Variants in NEK5 observed in about 807,000 individuals in gnomAD.
NEK5 encodes NIMA related kinase 5, also known as serine/threonine-protein kinase Nek5.
Under a neutral mutation model 109.2 loss-of-function variants are expected in NEK5, and 88 were observed. The observed-to-expected ratio is 0.81, with a 90% CI of 0.68 to 0.96. The LOEUF (loss-of-function observed/expected upper bound fraction) is 0.96, where lower values mean the gene tolerates loss of function less well. Ranked by LOEUF, NEK5 falls within the 40% of genes least tolerant of loss-of-function variation. NEK5 has a pLI of 0.00. For missense variants in NEK5, 834 were observed against 920.7 expected (o/e 0.91, Z 1.22); for synonymous variants, 283 against 299.9 (o/e 0.94, Z 0.58).
chr13:52,053,529 T>C (rs1162051584), intron 22 of NEK5, among the ~76,000 whole-genome samples: 3 of 152,128 alleles, frequency 2.0e-5, no homozygotes, highest in African/African-American at 4.8e-5. Flanking sequence ...AAGCACTCCC[T>C]TGCATTGCTG....
chr13:52,123,419 A>T (rs905448999), intron 3 of NEK5, among the ~76,000 whole-genome samples: 2 of 152,210 alleles, frequency 1.3e-5, no homozygotes, highest in Non-Finnish European at 2.9e-5. Context: ...GATGCTATGA[A>T]ATGCAGTAAT....
intron 20 of NEK5, among the ~76,000 whole-genome samples, chr13:52,070,405 A>G (rs1257215726): frequency 6.6e-6 from 1 of 152,206 alleles, no homozygotes; most frequent in South Asian, 2.1e-4. Context: ...GTCCCACCCA[A>G]ATCTCATCTT....
intron 13 of NEK5, among the ~76,000 whole-genome samples, chr13:52,089,934 C>T (rs1404704403): frequency 1.3e-5 from 2 of 151,630 alleles, no homozygotes; most frequent in Admixed American, 6.6e-5. Context: ...TGCACTCCAG[C>T]CTGAGTGACA....
chr13:52,069,621 C>T (rs9535851), intron 20 of NEK5, among the ~76,000 whole-genome samples: 63,045 of 151,986 alleles, frequency 0.41, 15,016 homozygotes, highest in Non-Finnish European at 0.54. Flanking sequence ...CATTACCCTC[C>T]ATGTGATGTA....
chr13:52,038,839 A>AAC (rs1566722252), intron 23 of NEK5, among the ~76,000 whole-genome samples: 1 of 151,108 alleles, frequency 6.6e-6, no homozygotes, highest in Admixed American at 6.6e-5. Context: ...AAAAAAAAAA[A>AAC]AAAAAAGTGG....
chr13:52,114,838 A>C (rs1955822099), intron 4 of NEK5, among the ~76,000 whole-genome samples: 1 of 152,172 alleles, frequency 6.6e-6, no homozygotes. Flanking sequence ...AGTCAGTAAA[A>C]GGTCTGCCAC....
intron 12 of NEK5, among the ~76,000 whole-genome samples, chr13:52,095,931 G>T (rs1233275809): frequency 1.3e-5 from 2 of 152,174 alleles, no homozygotes; most frequent in African/African-American, 4.8e-5. Context: ...GGGAGACGAG[G>T]CCTGGTAAAT....
intron 12 of NEK5, among the ~76,000 whole-genome samples, chr13:52,099,533 A>G (rs1175208497): frequency 1.3e-5 from 2 of 152,168 alleles, no homozygotes. Flanking sequence ...AGCTGGGCAT[A>G]GTGGCACACG....
intron 21 of NEK5, among the ~76,000 whole-genome samples, chr13:52,063,865 G>C (rs547340568): frequency 3.3e-5 from 5 of 151,892 alleles, no homozygotes; most frequent in African/African-American, 1.2e-4. Context: ...AGTGAGGAGC[G>C]TCTCCGCCCG....
At chr13:52,076,240 C>T in intron 17 of NEK5, 97 bp from the exon 18 acceptor site, 4 of 676,442 alleles carry the variant, frequency 5.9e-6, no homozygotes, top group South Asian at 5.7e-5. Flanking sequence ...CAAAAACAAG[C>T]TTTTATAATG....
intron 3 of NEK5, among the ~76,000 whole-genome samples, chr13:52,126,437 A>G (rs1032654179): frequency 5.3e-5 from 8 of 152,254 alleles, no homozygotes; most frequent in Non-Finnish European, 7.3e-5. Flanking sequence ...AAACAAATGA[A>G]TAATTAAGAG....
At chr13:52,127,893 T>C (rs931601825) in intron 1 of NEK5, among the ~76,000 whole-genome samples, 9 of 152,224 alleles carry the variant, frequency 5.9e-5, no homozygotes, top group African/African-American at 2.2e-4. Flanking sequence ...TGCACTTTTA[T>C]AGTTCAGCCT....
intron 17 of NEK5, among the ~76,000 whole-genome samples, chr13:52,077,908 C>T (rs1027060383): frequency 1.3e-5 from 2 of 152,028 alleles, no homozygotes; most frequent in African/African-American, 2.4e-5. Context: ...AACCCTGTCT[C>T]TATTAAAAAT....
chr13:52,069,534 A>T (rs900354475), intron 20 of NEK5, among the ~76,000 whole-genome samples: 1 of 152,190 alleles, frequency 6.6e-6, no homozygotes, highest in Non-Finnish European at 1.5e-5. Flanking sequence ...TCTTATATAG[A>T]ATCTGCAACT....
chr13:52,084,754 AGAGAGAGAGTGTGT>A (rs1566772589), intron 16 of NEK5, among the ~76,000 whole-genome samples: 10 of 51,554 alleles, frequency 1.9e-4, no homozygotes, highest in South Asian at 1.8e-3. Context: ...AGAGAGAGAG[AGAGAGAGAGTGTGT>A]GTGTGTGTGT....
At chr13:52,111,574 A>G (rs1168797956) in intron 5 of NEK5, among the ~76,000 whole-genome samples, 1 of 152,204 alleles carries the variant, frequency 6.6e-6, no homozygotes, top group Non-Finnish European at 1.5e-5. Flanking sequence ...AAATAGAACA[A>G]AGAAACAATG....
At chr13:52,060,929 A>G (rs138286713) in intron 22 of NEK5, among the ~76,000 whole-genome samples, 41 of 152,100 alleles carry the variant, frequency 2.7e-4, no homozygotes, top group African/African-American at 9.9e-4. Context: ...CAGTGATCAT[A>G]GTTCACAGCA....
chr13:52,087,927 T>C (rs1390006346), intron 14 of NEK5, among the ~76,000 whole-genome samples: 4 of 127,632 alleles, frequency 3.1e-5, no homozygotes, highest in Non-Finnish European at 5.0e-5. Flanking sequence ...GCCCAGCCTT[T>C]CTTTTTTTTT....
chr13:52,043,429 C>T (rs758525421), intron 23 of NEK5, among the ~76,000 whole-genome samples: 4 of 150,008 alleles, frequency 2.7e-5, no homozygotes, highest in Non-Finnish European at 4.4e-5. Flanking sequence ...CCCAGCTACT[C>T]GGGAGGCTGA....
Sources: gnomAD v4.1 joint callset for allele counts (sites outside exome capture counted in the v4.1 genomes callset) on GRCh38, gnomAD v4.1.1 for gene constraint, MANE v1.5 for transcripts, NCBI Gene and HGNC (gene_info 2026-07-23, HGNC 2026-07-21) for gene names.